The following BRPF1 variants were observed in gnomAD, a reference collection of about 807,000 sequenced individuals.
BRPF1 encodes the protein peregrin.
Under a neutral mutation model 115.0 loss-of-function variants are expected in BRPF1, and 15 were observed. The observed-to-expected ratio is 0.13, with a 90% CI of 0.09 to 0.20. BRPF1 has a LOEUF of 0.20. Ranked by LOEUF, BRPF1 falls within the 10% of genes least tolerant of loss-of-function variation. BRPF1 has a pLI of 1.00. For missense variants in BRPF1, 1,118 were observed against 1,638.3 expected, an observed-to-expected ratio of 0.68 and a Z score of 5.48; for synonymous variants, 647 against 619.8, an observed-to-expected ratio of 1.04 and a Z score of -0.65.
At position 9,740,774 on chromosome 3, in the gene BRPF1, C is replaced by G; in HGVS notation, c.1560-5C>G. 6.2e-7 allele frequency: 1 copy of G among 1,613,704 alleles called. No homozygotes were observed. Among genetic ancestry groups the G allele is most frequent in the Non-Finnish European group, 8.5e-7 (1 of 1,179,614 alleles). On this transcript the variant is annotated splice_region_variant and splice_polypyrimidine_tract_variant and intron_variant, in intron 3 of 13. Transcript: ENST00000383829. The stretch of plus-strand genomic sequence containing the variant: ...AAGTTTTACTCTTTGTTTCCTGCCT[C>G]CCAGGCTTAGTAAAATCACCAACCG...
Position 9,739,798 on chromosome 3 carries a change from G to A in BRPF1, c.1399G>A (p.Asp467Asn). 2 of 1,612,632 alleles carry A rather than the reference G, an allele frequency of 1.2e-6. No individual in the cohort carries two copies. The highest frequency in any genetic ancestry group is 1.7e-6 in the Non-Finnish European group (2 of 1,179,302). The change falls in exon 3 of 14, where the codon GAT becomes AAT. Residue 467 changes from aspartate (D) to asparagine (N), a missense_variant. Asp to Asn is a conservative substitution (Grantham distance 23). Coordinates refer to ENST00000383829, the MANE Select transcript of BRPF1 (RefSeq NM_001003694.2). ...PALSHSEGEE[D>N]EDEEEDEGKG... ...CCTGTCCCACAGCGAGGGTGAGGAG[G>A]ATGAAGATGAGGAGGAGGATGAGGG...
chr3:9,736,910 C>T (rs528353082), intron 2 of BRPF1, among the ~76,000 whole-genome samples: 1 of 152,340 alleles, frequency 6.6e-6, no homozygotes, highest in South Asian at 2.1e-4. Flanking sequence ...ACGTGACATG[C>T]AGCCTACCTT....
Position 9,739,035 on chromosome 3 carries a change from A to C in BRPF1, c.636A>C (p.Glu212Asp). 1.9e-6 allele frequency: 3 copies of C among 1,597,330 alleles called. No individual in the cohort carries two copies. The highest frequency in any genetic ancestry group is 2.6e-6 in the Non-Finnish European group (3 of 1,169,326). Residue 212 changes from glutamate (E) to aspartate (D), a missense_variant, in exon 3 of 14, where the codon GAA becomes GAC. Coordinates refer to ENST00000383829, the MANE Select transcript of BRPF1 (RefSeq NM_001003694.2). Reference sequence around the variant, plus strand: ...AGTCTGCAGAGGAGCTGGACGAGGAAGTAGAGTATGACATGGACGAGGAGG... The same window carrying C: ...AGTCTGCAGAGGAGCTGGACGAGGACGTAGAGTATGACATGGACGAGGAGG... Reference protein sequence around the residue: ...IEKSAEELDEEVEYDMDEEDY... With the variant: ...IEKSAEELDEDVEYDMDEEDY...
Position 9,747,309 on chromosome 3 carries a change from T to C in BRPF1, c.3623T>C (p.Val1208Ala). 2 of 1,614,178 alleles carry C rather than the reference T, an allele frequency of 1.2e-6. No homozygotes were observed. The highest frequency in any genetic ancestry group is 1.3e-5 in the African/African-American group (1 of 75,042). Reference sequence around the variant, plus strand: ...AGGGCTCTGCAGCACCGCAGCAAGGTGCAAGGCGAGCAGAGCAGTGAGACC... The same window carrying C: ...AGGGCTCTGCAGCACCGCAGCAAGGCGCAAGGCGAGCAGAGCAGTGAGACC... Reference protein sequence around the residue: ...YHRALQHRSKVQGEQSSETSD... With the variant: ...YHRALQHRSKAQGEQSSETSD... Residue 1208 changes from valine to alanine, a missense_variant, in exon 14 of 14, where the codon GTG (valine) becomes GCG (alanine). Val to Ala is a moderately conservative substitution (Grantham distance 64). Coordinates refer to ENST00000383829, the MANE Select transcript of BRPF1 (RefSeq NM_001003694.2). This position sits in a 1 kb window ranked among gnomAD's most constrained non-coding sequence, Gnocchi z 5.6.
intron 3 of BRPF1, 83 bp downstream of exon 3, chr3:9,740,041 C>T: frequency 6.9e-7 from 1 of 1,450,514 alleles, no homozygotes; most frequent in Non-Finnish European, 9.1e-7. Flanking sequence ...AGTGGAATGG[C>T]AGGGCTGGGC....
intron 6 of BRPF1, 76 bp downstream of exon 6, chr3:9,742,247 G>A: frequency 1.3e-6 from 2 of 1,575,616 alleles, no homozygotes; most frequent in Admixed American, 3.6e-5. Flanking sequence ...GTCTGGGCCA[G>A]GACTAGATGG....
Position 9,734,206 on chromosome 3 carries a change from G to C in BRPF1, c.66G>C (p.Glu22Asp). ...HNLRATKPPY[E>D]CPVETCRKVY... is the part of the protein sequence containing the mutation. Reference sequence around the variant, plus strand: ...TGCGGGCGACTAAGCCACCATACGAGTGCCCGGTGGAGACCTGCCGAAAGG... The same window carrying C: ...TGCGGGCGACTAAGCCACCATACGACTGCCCGGTGGAGACCTGCCGAAAGG... Residue 22 changes from glutamate (E) to aspartate (D), a missense_variant, in exon 2 of 14, where the codon GAG (glutamate) becomes GAC (aspartate). Physicochemically the swap from Glu to Asp is conservative, Grantham distance 45. Transcript: ENST00000383829. The surrounding 1 kb of genome is among the most constrained non-coding windows in gnomAD (Gnocchi z 5.7). 3 of 1,614,014 alleles carry C rather than the reference G, an allele frequency of 1.9e-6. No individual in the cohort carries two copies. The highest frequency in any genetic ancestry group is 2.5e-6 in the Non-Finnish European group (3 of 1,179,944).
chr3:9,737,481 C>T (rs375252614), intron 2 of BRPF1, among the ~76,000 whole-genome samples: 25 of 152,226 alleles, frequency 1.6e-4, no homozygotes, highest in African/African-American at 6.0e-4. Context: ...GATGAACAAA[C>T]AAGGCTCAGG....
intron 2 of BRPF1, among the ~76,000 whole-genome samples, chr3:9,735,216 T>C (rs1006489898): frequency 2.6e-5 from 4 of 152,226 alleles, no homozygotes; most frequent in South Asian, 4.1e-4. Context: ...TTTCACCATG[T>C]TGCCTAGGCT....
intron 9 of BRPF1, 97 bp downstream of exon 9, chr3:9,744,605 G>C: frequency 1.0e-6 from 1 of 985,098 alleles, no homozygotes; most frequent in South Asian, 1.9e-5. Context: ...CCATAAAAGA[G>C]CGAGCTAGAA....
rs2077036402 is a variant in BRPF1, at chr3:9,741,794, C to T, written c.1855-231C>T. Among the ~76,000 whole-genome samples the T allele has an allele frequency of 2.0e-5, 3 of 151,636 alleles. No individual in the cohort carries two copies. The South Asian group carries it at 6.2e-4, about 31-fold the overall frequency. On this transcript the variant is annotated intron_variant, in intron 5 of 13. Coordinates refer to ENST00000383829, the MANE Select transcript of BRPF1 (RefSeq NM_001003694.2). ...CACAGGAGCGTATGAACAGAATCCT[C>T]AGTTATGTGACATAGGTAGCTGGTG...
Position 9,744,099 on chromosome 3 carries a change from C to T in BRPF1, c.2636-125C>T, listed in dbSNP as rs987585971. 5 of 1,344,038 alleles carry T rather than the reference C, an allele frequency of 3.7e-6. No individual in the cohort carries two copies. The East Asian group carries it at 1.2e-4, about 32-fold the overall frequency. 83.3% of individuals were successfully genotyped at this position (1,344,038 alleles called of 1,614,324 possible). ...GAGTTAATCTTCCAAATTCCAAGCC[C>T]CTAAAATGATCTCCCCAACGTTAGC... On this transcript the variant is annotated intron_variant, in intron 8 of 13. Transcript: ENST00000383829.
chr3:9,734,696 C>G lies in BRPF1; in HGVS notation c.556C>G (p.Gln186Glu), dbSNP rs1367505804. The part of the protein sequence containing the change: ...LPEVVYRELE[Q>E]DTPDAPPRPT... ...AGAGGTGGTCTATCGGGAGCTGGAA[C>G]AGGACACCCCTGATGCCCCACCCCG... Residue 186 changes from glutamine to glutamate, a missense_variant, in exon 2 of 14, where the codon CAG becomes GAG. This residue lies in a region of BRPF1 where 280 missense variants were observed against 382.8 expected (regional missense o/e 0.73). Coordinates refer to ENST00000383829, the MANE Select transcript of BRPF1 (RefSeq NM_001003694.2). This position sits in a 1 kb window ranked among gnomAD's most constrained non-coding sequence, Gnocchi z 5.7. 8.7e-6 allele frequency: 14 copies of G among 1,614,070 alleles called. No homozygotes were observed. Among genetic ancestry groups the G allele is most frequent in the Non-Finnish European group, 1.2e-5 (14 of 1,180,026 alleles).
chr3:9,743,860 A>T lies in BRPF1; in HGVS notation c.2594A>T (p.Asp865Val). ...PAACDKDGQT[D>V]SAAEESSSQE... ...GCCTGTGACAAGGATGGGCAGACAG[A>T]TAGTGCGGCAGAGGAGAGCAGCAGC... The change falls in exon 8 of 14, where the codon GAT becomes GTT. Residue 865 changes from aspartate (D) to valine (V), a missense_variant. Asp to Val is a radical substitution (Grantham distance 152). This residue lies in a region of BRPF1 where 223 missense variants were observed against 240.7 expected (regional missense o/e 0.93). Transcript: ENST00000383829. The surrounding 1 kb of genome is among the most constrained non-coding windows in gnomAD (Gnocchi z 6.1). 1 of 1,600,908 alleles carries T rather than the reference A, an allele frequency of 6.2e-7. No homozygotes were observed. Among genetic ancestry groups the T allele is most frequent in the Non-Finnish European group, 8.5e-7 (1 of 1,170,550 alleles).
intron 3 of BRPF1, 105 bp downstream of exon 3, chr3:9,740,063 G>A: frequency 1.4e-6 from 2 of 1,432,328 alleles, no homozygotes; most frequent in South Asian, 1.6e-5. Context: ...ATCTTCCCAG[G>A]AGCTGCATAG....
intron 2 of BRPF1, among the ~76,000 whole-genome samples, chr3:9,736,168 C>G (rs574406361): frequency 6.6e-6 from 1 of 152,112 alleles, no homozygotes; most frequent in Admixed American, 6.5e-5. Context: ...CCACCACACC[C>G]AGCTAATTTT....
Position 9,747,076 on chromosome 3 carries a change from G to A in BRPF1, c.3480-90G>A. 1 of 1,434,496 alleles carries A rather than the reference G, an allele frequency of 7.0e-7. No homozygotes were observed. The highest frequency in any genetic ancestry group is 1.7e-5 in the Admixed American group (1 of 58,084). 88.9% of individuals were successfully genotyped at this position (1,434,496 alleles called of 1,614,324 possible). A position where few individuals can be genotyped will look rare whatever the true frequency, so the allele number is the denominator to read the frequency against. On this transcript the variant is annotated intron_variant, in intron 13 of 13. Transcript: ENST00000383829. This position sits in a 1 kb window ranked among gnomAD's most constrained non-coding sequence, Gnocchi z 5.6. ...ATCACAGAGTCTGGCCAGAGTGGGT[G>A]CTTGGGTGGTGTGTTTGAGTGAATA...
chr3:9,739,694 A>C lies in BRPF1; in HGVS notation c.1295A>C (p.Asn432Thr). The C allele has an allele frequency of 6.2e-7, 1 of 1,613,438 alleles. No homozygotes were observed. ...GAGCCTGTGCGGGAGACAGGCGCCA[A>C]CGGCACCTCTTTCAGTGTCCGCAAG... ...KMEPVRETGA[N>T]GTSFSVRKTA... is the part of the protein sequence containing the mutation. The change falls in exon 3 of 14, where the codon AAC becomes ACC. Residue 432 changes from asparagine to threonine, a missense_variant. Around this residue, in one of 10 missense-constraint regions of BRPF1, gnomAD observed 87 missense variants for 93.4 expected, o/e 0.93. Coordinates refer to ENST00000383829, the MANE Select transcript of BRPF1 (RefSeq NM_001003694.2).
rs745711133 is a variant in BRPF1, at chr3:9,741,363, G to A, written c.1778G>A (p.Arg593Gln). 8.1e-6 allele frequency: 13 copies of A among 1,608,178 alleles called. No homozygotes were observed. The highest frequency in any genetic ancestry group is 2.2e-5 in the East Asian group (1 of 44,588). The change falls in exon 5 of 14, where the codon CGG becomes CAG. Residue 593 changes from arginine to glutamine, a missense_variant. Physicochemically the swap from Arg to Gln is conservative, Grantham distance 43. This residue lies in a region of BRPF1 where 178 missense variants were observed against 303.7 expected (regional missense o/e 0.59). Transcript: ENST00000383829. ...ALKEQLKSWQ[R>Q]LRHDLERARL... ...AAAGAACAGCTCAAGTCCTGGCAGC[G>A]GCTCCGGCATGACTTGGAGCGAGCT...
Sources: allele counts gnomAD v4.1 joint callset (sites outside exome capture counted in the v4.1 genomes callset), GRCh38; gene constraint gnomAD v4.1.1; regional missense constraint gnomAD v4.1.1; non-coding constraint Gnocchi (gnomAD v3.1); transcripts MANE v1.5; gene names NCBI Gene and HGNC (gene_info 2026-07-23, HGNC 2026-07-21).